The following ATP10B variants were observed in gnomAD, a reference collection of about 807,000 sequenced individuals.
The protein encoded by ATP10B is phospholipid-transporting ATPase VB.
Under a neutral mutation model 141.2 loss-of-function variants are expected in ATP10B, and 122 were observed. The observed-to-expected ratio is 0.86, with a 90% CI of 0.75 to 1.00. The LOEUF (loss-of-function observed/expected upper bound fraction) is 1.00. ATP10B is among the 50% of genes least tolerant of loss of function. ATP10B has a pLI of 0.00. For synonymous variants in ATP10B, 685 were observed against 692.0 expected, an observed-to-expected ratio of 0.99 and a Z score of 0.16; for missense variants, 1,876 against 1,825.3, an observed-to-expected ratio of 1.03 and a Z score of -0.51.
At chr5:160,759,000 T>G (rs1302476911) in intron 2 of ATP10B, among the ~76,000 whole-genome samples, 1 of 152,230 alleles carries the variant, frequency 6.6e-6, no homozygotes, top group Non-Finnish European at 1.5e-5. Flanking sequence ...ATTTGGGCTT[T>G]TTAGGGTCTC....
At chr5:160,839,998 T>C (rs1273787908) in intron 1 of ATP10B, among the ~76,000 whole-genome samples, 1 of 151,980 alleles carries the variant, frequency 6.6e-6, no homozygotes, top group Non-Finnish European at 1.5e-5. Flanking sequence ...TTATTTACAA[T>C]ACCAACAAAA....
intron 13 of ATP10B, among the ~76,000 whole-genome samples, chr5:160,624,556 C>T (rs1472128046): frequency 6.6e-6 from 1 of 152,190 alleles, no homozygotes; most frequent in Admixed American, 6.5e-5. Flanking sequence ...CCATCCATAC[C>T]ATGTGGTGTC....
the ATP10B span, among the ~76,000 whole-genome samples, chr5:160,899,232 A>G: frequency 6.6e-6 from 1 of 151,980 alleles, no homozygotes; most frequent in Non-Finnish European, 1.5e-5. Context: ...AGTGGGGGGG[A>G]GGGGTCACAG....
intron 3 of ATP10B, among the ~76,000 whole-genome samples, chr5:160,695,893 AAAAAG>A (rs1310812848): frequency 6.6e-6 from 1 of 152,212 alleles, no homozygotes; most frequent in Non-Finnish European, 1.5e-5. Context: ...CGCAGGAAAA[AAAAAG>A]AAAAGATTTC....
chr5:160,783,946 C>CTA (rs1770946568), intron 2 of ATP10B, among the ~76,000 whole-genome samples: 1 of 152,052 alleles, frequency 6.6e-6, no homozygotes, highest in Admixed American at 6.6e-5. Context: ...GGACTTGCCT[C>CTA]TATGCATATA....
At chr5:160,921,273 TG>T in the ATP10B span, among the ~76,000 whole-genome samples, 47 of 134,286 alleles carry the variant, frequency 3.5e-4, no homozygotes, top group Non-Finnish European at 6.4e-4. Context: ...TTCAGCACTT[TG>T]TTTTTTTTTT....
At chr5:160,701,782 C>G (rs1241195362) in intron 3 of ATP10B, among the ~76,000 whole-genome samples, 1 of 151,856 alleles carries the variant, frequency 6.6e-6, no homozygotes, top group Non-Finnish European at 1.5e-5. Context: ...TATTCTAATG[C>G]CTCCTGGGAA....
rs369221153 is a variant in ATP10B, at chr5:160,644,487, G to A, written c.762-243C>T. Among the ~76,000 whole-genome samples the A allele has an allele frequency of 2.6e-5, 4 of 152,262 alleles. No homozygotes were observed. In the East Asian group the frequency reaches 7.7e-4, roughly 29 times the overall value. ...GGGAATTGTCCACCCTGAGAAAATT[G>A]TCCCATTTACCAACATAAAAGGCAG... On this transcript the variant is annotated intron_variant, in intron 8 of 25. Coordinates refer to ENST00000327245, the MANE Select transcript of ATP10B (RefSeq NM_025153.3).
the ATP10B span, among the ~76,000 whole-genome samples, chr5:160,916,172 A>C: frequency 3.9e-5 from 6 of 152,216 alleles, no homozygotes; most frequent in Admixed American, 6.5e-5. Flanking sequence ...CACAATTAGC[A>C]AGTGAAAAAG....
chr5:160,796,053 C>G (rs571768737), intron 1 of ATP10B, among the ~76,000 whole-genome samples: 30 of 152,288 alleles, frequency 2.0e-4, no homozygotes, highest in African/African-American at 6.7e-4. Flanking sequence ...ACTGTCACCA[C>G]ATTTAGTGAC....
chr5:160,589,280 G>T (rs751354460), intron 24 of ATP10B, among the ~76,000 whole-genome samples: 15 of 152,126 alleles, frequency 9.9e-5, no homozygotes, highest in Admixed American at 8.5e-4. Flanking sequence ...CCAAAGTGCT[G>T]GGATTACAGG....
chr5:160,834,652 G>T lies in ATP10B; in HGVS notation c.-576+17289C>A, dbSNP rs140223005. Among the ~76,000 whole-genome samples the T allele has an allele frequency of 8.5e-5, 13 of 152,160 alleles. No individual in the cohort carries two copies. In the East Asian group the frequency reaches 2.5e-3, roughly 29 times the overall value. On this transcript the variant is annotated intron_variant, in intron 1 of 25. Transcript: ENST00000327245. The stretch of plus-strand genomic sequence containing the variant: ...TTTAAGGAAATAAAACCTTAATTAC[G>T]GGCTCAAGTGACAATACTTCTTTTG...
chr5:160,838,653 A>G (rs1053338843), intron 1 of ATP10B, among the ~76,000 whole-genome samples: 2 of 152,176 alleles, frequency 1.3e-5, no homozygotes, highest in African/African-American at 2.4e-5. Context: ...TTTGAGAAAA[A>G]AAAGTCAACC....
chr5:160,694,135 C>G (rs1254981580), intron 3 of ATP10B, among the ~76,000 whole-genome samples: 1 of 152,142 alleles, frequency 6.6e-6, no homozygotes, highest in Non-Finnish European at 1.5e-5. Flanking sequence ...CTGGAGGGAC[C>G]GAAACTGGGG....
intron 2 of ATP10B, among the ~76,000 whole-genome samples, chr5:160,734,577 G>A (rs1003907092): frequency 1.3e-5 from 2 of 151,542 alleles, no homozygotes; most frequent in Non-Finnish European, 2.9e-5. Flanking sequence ...TACAACCACT[G>A]AAAAAAATGT....
At chr5:160,640,678 T>G in intron 9 of ATP10B, 86 bp from the exon 10 acceptor site, 3 of 1,512,316 alleles carry the variant, frequency 2.0e-6, no homozygotes, top group Non-Finnish European at 2.7e-6. Context: ...CACAGGAGCT[T>G]AAGATAAAAG....
chr5:160,879,081 G>A, the ATP10B span, among the ~76,000 whole-genome samples: 1 of 68,988 alleles, frequency 1.4e-5, no homozygotes, highest in Admixed American at 1.9e-4. Flanking sequence ...AAAGACACAT[G>A]CACACGTATG....
intron 22 of ATP10B, among the ~76,000 whole-genome samples, chr5:160,597,966 C>A (rs996279535): frequency 4.8e-5 from 7 of 147,340 alleles, no homozygotes; most frequent in African/African-American, 1.7e-4. Flanking sequence ...CTAGTTCAAC[C>A]ATTGTGGAAG....
intron 7 of ATP10B, among the ~76,000 whole-genome samples, chr5:160,655,429 G>A (rs1163704158): frequency 1.3e-5 from 2 of 152,028 alleles, no homozygotes; most frequent in African/African-American, 4.8e-5. Context: ...CTAGATCTGT[G>A]CATCCTCTGG....
Sources: allele counts gnomAD v4.1 joint callset (sites outside exome capture counted in the v4.1 genomes callset), GRCh38; gene constraint gnomAD v4.1.1; transcripts MANE v1.5; gene names NCBI Gene and HGNC (gene_info 2026-07-23, HGNC 2026-07-21).